Variants in EXD2 observed in about 807,000 individuals in gnomAD.
The protein encoded by EXD2 is exonuclease 3'-5' domain containing 2.
A neutral mutation model predicts 62.5 loss-of-function variants in EXD2; 40 were observed. The ratio of observed to expected loss-of-function variants is 0.64; its 90% CI spans 0.50 to 0.83. The LOEUF (loss-of-function observed/expected upper bound fraction) is 0.83, where lower values mean the gene tolerates loss of function less well. Ranked by LOEUF, EXD2 falls within the 40% of genes least tolerant of loss-of-function variation. The pLI is 0.00. For missense variants in EXD2, 671 were observed against 761.8 expected (o/e 0.88, Z 1.40); for synonymous variants, 239 against 291.9 (o/e 0.82, Z 1.85).
At chr14:69,204,249 T>G (rs2042507171) in intron 2 of EXD2, among the ~76,000 whole-genome samples, 1 of 152,198 alleles carries the variant, frequency 6.6e-6, no homozygotes, top group African/African-American at 2.4e-5. Flanking sequence ...AAATAAAAAT[T>G]GTTAATAATC....
chr14:69,230,627 G>A, intron 5 of EXD2, 29 bp downstream of exon 5: 1 of 1,580,506 alleles, frequency 6.3e-7, no homozygotes, highest in South Asian at 1.1e-5. Flanking sequence ...GTTGAAGAAT[G>A]GAAAGTCATT....
intron 2 of EXD2, among the ~76,000 whole-genome samples, chr14:69,206,929 T>C (rs1373354100): frequency 6.6e-6 from 1 of 152,222 alleles, no homozygotes; most frequent in Non-Finnish European, 1.5e-5. Context: ...GAAGGACTTT[T>C]ATGTCTTCTC....
intron 3 of EXD2, among the ~76,000 whole-genome samples, chr14:69,225,170 T>C (rs1179771126): frequency 6.6e-6 from 1 of 152,220 alleles, no homozygotes; most frequent in Admixed American, 6.5e-5. Context: ...AAAACCCTGG[T>C]CTAAATTTAA....
chr14:69,210,963 G>C (rs1406983920), intron 3 of EXD2, among the ~76,000 whole-genome samples: 1 of 152,132 alleles, frequency 6.6e-6, no homozygotes, highest in Non-Finnish European at 1.5e-5. Flanking sequence ...GCTGGTGGAG[G>C]GTCTTGCCTT....
At chr14:69,202,328 G>C (rs2140206755) in intron 1 of EXD2, among the ~76,000 whole-genome samples, 1 of 152,208 alleles carries the variant, frequency 6.6e-6, no homozygotes, top group South Asian at 2.1e-4. Flanking sequence ...AGTGAGCTGA[G>C]ATCATGCCAC....
intron 3 of EXD2, among the ~76,000 whole-genome samples, chr14:69,219,725 G>C (rs1566828788): frequency 6.6e-6 from 1 of 152,148 alleles, no homozygotes; most frequent in African/African-American, 2.4e-5. Flanking sequence ...AAACTCACTT[G>C]TTCTAATTAC....
Position 69,226,779 on chromosome 14 carries a change from T to G in EXD2, c.334-2037T>G, listed in dbSNP as rs1376883624. Among the ~76,000 whole-genome samples, 134 of 152,152 alleles carry G rather than the reference T, an allele frequency of 8.8e-4. 1 individual carries two copies. The highest frequency in any genetic ancestry group is 3.1e-3 in the African/African-American group (128 of 41,514). On this transcript the variant is annotated intron_variant, in intron 3 of 9. Transcript: ENST00000685843. ...GAGGGCCAGAGCCCTCCCAGTTTTT[T>G]TTTTTTTTTTTTTAACAGCAGTTCT...
intron 1 of EXD2, among the ~76,000 whole-genome samples, chr14:69,203,006 T>G (rs1398375868): frequency 6.6e-6 from 1 of 152,214 alleles, no homozygotes; most frequent in Non-Finnish European, 1.5e-5. Flanking sequence ...ATCCAGCTGC[T>G]GGGAAGTAAT....
intron 2 of EXD2, 105 bp from the exon 3 acceptor site, chr14:69,209,319 T>G: frequency 1.9e-6 from 1 of 528,862 alleles, no homozygotes; most frequent in Non-Finnish European, 3.1e-6. Context: ...GTTGTTTTAG[T>G]TTGTGGGCAC....
intron 5 of EXD2, among the ~76,000 whole-genome samples, chr14:69,231,909 T>TA (rs747438242): frequency 0.063 from 3,838 of 60,592 alleles, 224 homozygotes; most frequent in Non-Finnish European, 0.084. Context: ...GCATGAGCAG[T>TA]AAAAAAAAAA....
intron 3 of EXD2, among the ~76,000 whole-genome samples, chr14:69,210,738 A>T (rs2042777881): frequency 6.6e-6 from 1 of 152,032 alleles, no homozygotes; most frequent in South Asian, 2.1e-4. Flanking sequence ...TGAGCCCAGG[A>T]GGTTGAAGCT....
At chr14:69,212,271 G>A (rs562119248) in intron 3 of EXD2, among the ~76,000 whole-genome samples, 1 of 152,190 alleles carries the variant, frequency 6.6e-6, no homozygotes, top group South Asian at 2.1e-4. Flanking sequence ...TAGCTACTTG[G>A]GAGGCTGAGG....
intron 3 of EXD2, among the ~76,000 whole-genome samples, chr14:69,228,230 C>T (rs114568782): frequency 0.01 from 1,193 of 115,300 alleles, 21 homozygotes; most frequent in African/African-American, 0.039. Context: ...TCACTCTTGT[C>T]GTTCAGGCTG....
intron 9 of EXD2, among the ~76,000 whole-genome samples, chr14:69,238,706 C>G (rs1300925107): frequency 2.0e-5 from 3 of 151,156 alleles, no homozygotes; most frequent in African/African-American, 7.3e-5. Context: ...ACTATCTTGG[C>G]TCACTGTAAC....
intron 1 of EXD2, among the ~76,000 whole-genome samples, chr14:69,197,220 C>A (rs746473261): frequency 6.6e-6 from 1 of 152,084 alleles, no homozygotes; most frequent in East Asian, 1.9e-4. Context: ...GATCTCGTCT[C>A]TAAAAAATAT....
At chr14:69,201,658 C>A (rs1218190879) in intron 1 of EXD2, among the ~76,000 whole-genome samples, 9 of 145,472 alleles carry the variant, frequency 6.2e-5, no homozygotes, top group Non-Finnish European at 1.2e-4. Flanking sequence ...TCTCTCTCAG[C>A]AAGTGTTTTC....
At chr14:69,224,069 C>T (rs2043279673) in intron 3 of EXD2, 1 of 152,004 alleles carries the variant, frequency 6.6e-6, no homozygotes, top group African/African-American at 2.4e-5. Context: ...GGGTTTTACT[C>T]TGTCACCTAG....
Position 69,207,416 on chromosome 14 carries a change from C to T in EXD2, c.-47-2008C>T, listed in dbSNP as rs138469523. On this transcript the variant is annotated intron_variant, in intron 2 of 9. Transcript: ENST00000685843. ...GGCTGAGGCAGGAGAATCACTTGAA[C>T]TCAGGAGGCGGATACTGCAGTGAGC... Among the ~76,000 whole-genome samples the T allele has an allele frequency of 8.2e-4, 125 of 152,220 alleles. No individual in the cohort carries two copies. In the Middle Eastern group the frequency reaches 0.01, roughly 12 times the overall value.
intron 3 of EXD2, among the ~76,000 whole-genome samples, chr14:69,220,273 T>TG (rs2043134585): frequency 8.8e-6 from 1 of 113,458 alleles, no homozygotes; most frequent in African/African-American, 3.5e-5. Context: ...TTTTTTTTTT[T>TG]TTTTTTTTTT....
Sources: gnomAD v4.1 joint callset for allele counts (sites outside exome capture counted in the v4.1 genomes callset) on GRCh38, gnomAD v4.1.1 for gene constraint, MANE v1.5 for transcripts, NCBI Gene and HGNC (gene_info 2026-07-23, HGNC 2026-07-21) for gene names.